NEK1: variants seen among roughly 807,000 people sequenced by gnomAD.
The protein encoded by NEK1 is NIMA related kinase 1, also known as serine/threonine-protein kinase Nek1.
In NEK1, 137 loss-of-function variants were observed where a neutral mutation model predicts 182.1. That is an observed-to-expected ratio of 0.75 (90% CI 0.65 to 0.87). NEK1 has a LOEUF of 0.87. NEK1 is among the 40% of genes least tolerant of loss of function. The pLI is 0.00. For synonymous variants in NEK1, 513 were observed against 492.2 expected (o/e 1.04, Z -0.56); for missense variants, 1,391 against 1,494.4 (o/e 0.93, Z 1.14).
chr4:169,564,818 T>C (rs1289973577), intron 12 of NEK1, among the ~76,000 whole-genome samples: 1 of 152,152 alleles, frequency 6.6e-6, no homozygotes, highest in African/African-American at 2.4e-5. Flanking sequence ...AACTTATAAA[T>C]GATAATAATG....
At chr4:169,503,073 T>A (rs1389424252) in intron 23 of NEK1, among the ~76,000 whole-genome samples, 1 of 152,120 alleles carries the variant, frequency 6.6e-6, no homozygotes, top group African/African-American at 2.4e-5. Flanking sequence ...AGTATTTCTA[T>A]ACTCCAATAC....
chr4:169,426,071 C>T, intron 30 of NEK1, 75 bp downstream of exon 30: 4 of 1,058,300 alleles, frequency 3.8e-6, no homozygotes, highest in South Asian at 2.9e-5. Context: ...TATATATTAC[C>T]CAAATAAAAC....
chr4:169,524,561 GATTA>G (rs1196252724), intron 19 of NEK1, among the ~76,000 whole-genome samples: 2 of 151,742 alleles, frequency 1.3e-5, no homozygotes, highest in African/African-American at 4.8e-5. Flanking sequence ...ACAAGGTACT[GATTA>G]ATCACGCATA....
intron 23 of NEK1, among the ~76,000 whole-genome samples, chr4:169,496,828 A>G (rs1484500738): frequency 6.6e-5 from 10 of 151,848 alleles, no homozygotes; most frequent in Admixed American, 2.0e-4. Context: ...GAGGATTTTT[A>G]CATCGATGTT....
chr4:169,459,054 A>AC (rs1236257372), intron 27 of NEK1, among the ~76,000 whole-genome samples: 1 of 152,106 alleles, frequency 6.6e-6, no homozygotes, highest in Non-Finnish European at 1.5e-5. Context: ...TGAAAAAAAA[A>AC]ACCCAATCCA....
At position 169,400,617 on chromosome 4, in the gene NEK1, T is replaced by G; in HGVS notation, c.3618A>C (p.Glu1206Asp). The change falls in exon 34 of 36, where the codon GAA becomes GAC. Residue 1206 changes from glutamate to aspartate, a missense_variant. Transcript: ENST00000507142. ...CTAAATGGTTAAAGACACTATCGCA[T>G]TCACATTCACTAGCAATTTCACCAT... is the stretch of plus-strand genomic sequence containing the variant. ...NSDGEIASEC[E>D]CDSVFNHLEE... 1 of 1,601,104 alleles carries G rather than the reference T, an allele frequency of 6.2e-7. No homozygotes were observed. The highest frequency in any genetic ancestry group is 8.5e-7 in the Non-Finnish European group (1 of 1,173,310).
chr4:169,583,301 C>T (rs912902645), intron 10 of NEK1, among the ~76,000 whole-genome samples: 7 of 150,386 alleles, frequency 4.7e-5, no homozygotes, highest in African/African-American at 7.3e-5. Context: ...AAGCTTCTCA[C>T]CTAAGTAGAT....
rs555571282 is a variant in NEK1, at chr4:169,542,260, G to A, written c.1563-4349C>T. On this transcript the variant is annotated intron_variant, in intron 18 of 35. Coordinates refer to ENST00000507142, the MANE Select transcript of NEK1 (RefSeq NM_001199397.3). ...TCCCACTTATGAGTGAGAACATGTGGTGTTTGGTTGTCTGTTCTTGTGTTA... is the reference window on the plus strand; with the variant it reads ...TCCCACTTATGAGTGAGAACATGTGATGTTTGGTTGTCTGTTCTTGTGTTA... Among the ~76,000 whole-genome samples, 82 of 152,262 alleles carry A rather than the reference G, an allele frequency of 5.4e-4. 1 individual carries two copies. The highest frequency in any genetic ancestry group is 1.8e-3 in the African/African-American group (74 of 41,550).
At chr4:169,571,221 A>AATAG (rs1174974779) in intron 12 of NEK1, among the ~76,000 whole-genome samples, 5 of 149,402 alleles carry the variant, frequency 3.3e-5, no homozygotes, top group South Asian at 2.1e-4. Flanking sequence ...TAAATAAATA[A>AATAG]AAAGAATAAA....
chr4:169,573,212 A>G (rs574779094), intron 12 of NEK1, among the ~76,000 whole-genome samples: 1 of 152,368 alleles, frequency 6.6e-6, no homozygotes, highest in South Asian at 2.1e-4. Context: ...AATATTTGCC[A>G]ACAGGTAAGA....
chr4:169,541,295 A>T (rs1336350088), intron 18 of NEK1, among the ~76,000 whole-genome samples: 1 of 152,188 alleles, frequency 6.6e-6, no homozygotes, highest in Non-Finnish European at 1.5e-5. Context: ...GGAAAAAGTA[A>T]AAGCACCATA....
intron 31 of NEK1, among the ~76,000 whole-genome samples, chr4:169,418,899 C>G (rs1561152605): frequency 6.6e-6 from 1 of 151,980 alleles, no homozygotes; most frequent in Admixed American, 6.6e-5. Context: ...GATCAATGAA[C>G]CCCAAAACAG....
chr4:169,537,038 A>G lies in NEK1; in HGVS notation c.1665+771T>C, dbSNP rs992524549. The stretch of plus-strand genomic sequence containing the variant: ...AAGATACCACTTACGAACTTACAAC[A>G]GATATGTAATAAGTCTAATTAAAAT... On this transcript the variant is annotated intron_variant, in intron 19 of 35. Transcript: ENST00000507142. Among the ~76,000 whole-genome samples, 109 of 152,342 alleles carry G rather than the reference A, an allele frequency of 7.2e-4. 1 individual carries two copies. The highest frequency in any genetic ancestry group is 2.5e-3 in the African/African-American group (106 of 41,582).
In NEK1 at chr4:169,435,841, G is replaced by C. The variant is rs751387186; in HGVS notation, c.2765-2176C>G. The stretch of plus-strand genomic sequence containing the variant: ...TGAATACCACTGAGCAATACCAGTT[G>C]ATGCTACATGGAGCAGAAGAACCTC... On this transcript the variant is annotated intron_variant, in intron 28 of 35. Transcript: ENST00000507142. Among the ~76,000 whole-genome samples, 134 of 152,150 alleles carry C rather than the reference G, an allele frequency of 8.8e-4. 3 individuals carry two copies. The highest frequency in any genetic ancestry group is 4.6e-4 in the Non-Finnish European group (31 of 68,024).
At chr4:169,413,124 CTT>C (rs2111190813) in intron 31 of NEK1, among the ~76,000 whole-genome samples, 1 of 151,494 alleles carries the variant, frequency 6.6e-6, no homozygotes, top group Admixed American at 6.6e-5. Context: ...TAAAGCAACT[CTT>C]TACTCCTTCA....
At chr4:169,463,160 T>A in intron 27 of NEK1, 83 bp downstream of exon 27, 1 of 762,406 alleles carries the variant, frequency 1.3e-6, no homozygotes, top group Non-Finnish European at 1.9e-6. Context: ...ATAATTCACT[T>A]AAAATGGAAA....
chr4:169,572,213 G>A (rs1259061360), intron 12 of NEK1, among the ~76,000 whole-genome samples: 15 of 152,120 alleles, frequency 9.9e-5, no homozygotes, highest in Non-Finnish European at 1.5e-5. Context: ...TTATAACCCT[G>A]GTGGAAAGTG....
chr4:169,401,633 C>T lies in NEK1; in HGVS notation c.3583+19G>A, dbSNP rs779325354. On this transcript the variant is annotated intron_variant, in intron 33 of 35. Coordinates refer to ENST00000507142, the MANE Select transcript of NEK1 (RefSeq NM_001199397.3). ...TTGTAAACTGAAAAAGAAAAAGGTC[C>T]AAAACTCTGATCATGCACCTGAGTG... 1.3e-5 allele frequency: 21 copies of T among 1,606,296 alleles called. No individual in the cohort carries two copies. The Admixed American group carries it at 2.9e-4, about 22-fold the overall frequency.
chr4:169,572,135 T>C (rs148982734), intron 12 of NEK1, among the ~76,000 whole-genome samples: 5 of 152,132 alleles, frequency 3.3e-5, no homozygotes, highest in African/African-American at 7.2e-5. Context: ...AAAGGAACAT[T>C]TGGGCTGCTC....
Sources: allele counts gnomAD v4.1 joint callset (sites outside exome capture counted in the v4.1 genomes callset), GRCh38; gene constraint gnomAD v4.1.1; transcripts MANE v1.5; gene names NCBI Gene and HGNC (gene_info 2026-07-23, HGNC 2026-07-21).